The following WWP1 variants were observed in gnomAD, a reference collection of about 807,000 sequenced individuals.
WWP1 encodes the protein NEDD4-like E3 ubiquitin-protein ligase WWP1.
In WWP1, 49 loss-of-function variants were observed where a neutral mutation model predicts 130.6. The observed-to-expected ratio is 0.38, with a 90% CI of 0.30 to 0.48. The LOEUF is 0.48. Among genes scored for constraint, WWP1 ranks in the 20% least tolerant of loss-of-function variants. The pLI is 0.99. For missense variants in WWP1, 809 were observed against 1,100.6 expected (o/e 0.74, Z 3.75); for synonymous variants, 332 against 367.8 (o/e 0.90, Z 1.11).
chr8:86,456,389 C>CA (rs1335033045), intron 21 of WWP1, among the ~76,000 whole-genome samples: 2 of 151,902 alleles, frequency 1.3e-5, no homozygotes, highest in African/African-American at 4.8e-5. Flanking sequence ...CAAAAAAACT[C>CA]ACGTAACTCA....
intron 5 of WWP1, among the ~76,000 whole-genome samples, chr8:86,382,638 G>T (rs896962254): frequency 2.6e-5 from 4 of 152,260 alleles, no homozygotes; most frequent in African/African-American, 9.6e-5. Flanking sequence ...GGTGGAGGTT[G>T]CAGTGAGCCA....
intron 14 of WWP1, among the ~76,000 whole-genome samples, chr8:86,433,558 A>G (rs983540898): frequency 6.6e-6 from 1 of 151,724 alleles, no homozygotes; most frequent in Non-Finnish European, 1.5e-5. Flanking sequence ...TAAAAAAAAA[A>G]AAATTATAAC....
At chr8:86,356,986 G>T (rs921885194) in intron 1 of WWP1, among the ~76,000 whole-genome samples, 2 of 152,138 alleles carry the variant, frequency 1.3e-5, no homozygotes, top group African/African-American at 4.8e-5. Flanking sequence ...GTAAATAGGG[G>T]TGGAGAACAG....
At chr8:86,347,358 G>GCA (rs1233766874) in intron 1 of WWP1, among the ~76,000 whole-genome samples, 1 of 151,796 alleles carries the variant, frequency 6.6e-6, no homozygotes, top group Non-Finnish European at 1.5e-5. Flanking sequence ...AAAGTATGTG[G>GCA]CTAGTTAGTG....
chr8:86,380,764 G>A lies in WWP1; in HGVS notation c.109G>A (p.Gly37Arg), dbSNP rs553219752. 9.9e-6 allele frequency: 16 copies of A among 1,611,172 alleles called. No individual in the cohort carries two copies. Among genetic ancestry groups the A allele is most frequent in the African/African-American group, 2.7e-5 (2 of 74,916 alleles). ...AKLKRKKNWF[G>R]TAIYTEVVVD... ...ACTTAAAAGAAAAAAGAACTGGTTC[G>A]GAACAGCAATATATACAGAAGTAGT... is the stretch of plus-strand genomic sequence containing the variant. Residue 37 changes from glycine to arginine, a missense_variant, in exon 4 of 25, where the codon GGA becomes AGA. Gly to Arg is a moderately radical substitution (Grantham distance 125). Coordinates refer to ENST00000517970, the MANE Select transcript of WWP1 (RefSeq NM_007013.4).
chr8:86,435,300 T>G, intron 14 of WWP1, 152 bp from the exon 15 acceptor site: 1 of 706,916 alleles, frequency 1.4e-6, no homozygotes, highest in Non-Finnish European at 2.4e-6. Flanking sequence ...TACTTGAGCT[T>G]CTTTTGGCCC....
At chr8:86,451,754 C>G (rs1444124235) in intron 20 of WWP1, among the ~76,000 whole-genome samples, 1 of 152,172 alleles carries the variant, frequency 6.6e-6, no homozygotes, top group African/African-American at 2.4e-5. Flanking sequence ...TGTGGCTTCT[C>G]TGTATGAGGT....
At chr8:86,382,613 C>T (rs1442109335) in intron 5 of WWP1, among the ~76,000 whole-genome samples, 2 of 152,130 alleles carry the variant, frequency 1.3e-5, no homozygotes, top group African/African-American at 2.4e-5. Flanking sequence ...GCAGGAGAAT[C>T]GCTTGAACCC....
intron 9 of WWP1, among the ~76,000 whole-genome samples, chr8:86,422,087 A>G (rs1365618138): frequency 1.3e-5 from 2 of 152,082 alleles, no homozygotes; most frequent in Non-Finnish European, 1.5e-5. Context: ...ATACACAGAA[A>G]AGTACTTTCC....
intron 4 of WWP1, 139 bp downstream of exon 4, chr8:86,381,003 AT>A (rs1354889435): frequency 5.1e-6 from 6 of 1,173,264 alleles, no homozygotes; most frequent in Non-Finnish European, 6.6e-6. Context: ...GTATGGAGAA[AT>A]TTTTGGTTAA....
At chr8:86,374,266 C>T in intron 3 of WWP1, 146 bp downstream of exon 3, 1 of 585,460 alleles carries the variant, frequency 1.7e-6, no homozygotes, top group Non-Finnish European at 2.9e-6. Context: ...AGGTAGATGC[C>T]CTCCAAAACT....
chr8:86,358,010 G>T (rs1459930400), intron 1 of WWP1, among the ~76,000 whole-genome samples: 17 of 152,260 alleles, frequency 1.1e-4, no homozygotes, highest in Non-Finnish European at 2.5e-4. Context: ...AACTTTTGGG[G>T]TCTAATGTTT....
chr8:86,411,872 AG>A lies in WWP1; in HGVS notation c.1061+1del. ...GNANTETLPS[G>X]WEQRKDPHGR... ...ATGCCAACACAGAAACCTTGCCATC[AG>A]GGTATGTTAAGCTTTTTAATGTCTG... On this transcript the variant is annotated frameshift_variant and splice_region_variant, in exon 9 of 25. Coordinates refer to ENST00000517970, the MANE Select transcript of WWP1 (RefSeq NM_007013.4). LOFTEE classifies it high-confidence loss of function. The A allele has an allele frequency of 6.3e-7, 1 of 1,598,656 alleles. No homozygotes were observed. Among genetic ancestry groups the A allele is most frequent in the Non-Finnish European group, 8.5e-7 (1 of 1,170,752 alleles).
At chr8:86,343,061 T>C (rs905252277) in intron 1 of WWP1, 131 bp downstream of exon 1, 2 of 289,430 alleles carry the variant, frequency 6.9e-6, no homozygotes, top group African/African-American at 4.5e-5. Context: ...CTAGGACCCG[T>C]CGGGGGACGG....
In WWP1 at chr8:86,456,161, A is replaced by C. The variant is rs1811432302; in HGVS notation, c.2395-1760A>C. 2.0e-5 allele frequency among the ~76,000 whole-genome samples: 3 copies of C among 151,984 alleles called. No homozygotes were observed. The South Asian group carries it at 6.2e-4, about 31-fold the overall frequency. Reference sequence around the variant, plus strand: ...TTCATGCTTACAATTAAAAAGAATTATAAGCCTGAATGTGAAAGTGAAAAA... The same window carrying C: ...TTCATGCTTACAATTAAAAAGAATTCTAAGCCTGAATGTGAAAGTGAAAAA... On this transcript the variant is annotated intron_variant, in intron 21 of 24. Transcript: ENST00000517970.
chr8:86,370,353 T>TTA (rs1387811435), intron 2 of WWP1, among the ~76,000 whole-genome samples: 1 of 152,218 alleles, frequency 6.6e-6, no homozygotes, highest in East Asian at 1.9e-4. Flanking sequence ...TTGTGGAGAC[T>TTA]TATTTTTGGA....
intron 11 of WWP1, 62 bp downstream of exon 11, chr8:86,427,879 T>G (rs1167093775): frequency 2.6e-6 from 4 of 1,518,160 alleles, no homozygotes; most frequent in East Asian, 2.3e-5. Context: ...TTTCTTTTTT[T>G]TTTTTGCTAT....
chr8:86,422,655 G>A (rs1374531918), intron 9 of WWP1, among the ~76,000 whole-genome samples: 1 of 151,896 alleles, frequency 6.6e-6, no homozygotes, highest in Non-Finnish European at 1.5e-5. Context: ...TTACAGGTGT[G>A]AGCCACCACG....
At chr8:86,347,495 G>T (rs1251350234) in intron 1 of WWP1, among the ~76,000 whole-genome samples, 2 of 152,184 alleles carry the variant, frequency 1.3e-5, no homozygotes, top group Admixed American at 6.5e-5. Flanking sequence ...TGAAGGATTT[G>T]AATTTACCTG....
Sources: gnomAD v4.1 joint callset for allele counts (sites outside exome capture counted in the v4.1 genomes callset) on GRCh38, gnomAD v4.1.1 for gene constraint, MANE v1.5 for transcripts, NCBI Gene and HGNC (gene_info 2026-07-23, HGNC 2026-07-21) for gene names.